DPYS: variants seen among roughly 807,000 people sequenced by gnomAD.
DPYS encodes the protein dihydropyrimidinase, also known as dihydropyrimidine amidohydrolase.
A neutral mutation model predicts 50.3 loss-of-function variants in DPYS; 39 were observed. That is an observed-to-expected ratio of 0.78 (90% CI 0.60 to 1.01). The LOEUF is 1.01. Among genes scored for constraint, DPYS ranks in the 50% least tolerant of loss-of-function variants. The probability of loss-of-function intolerance (pLI) is 0.00; values close to 1 mark genes in which losing one functional copy is unlikely to be tolerated. For missense variants in DPYS, 659 were observed against 680.9 expected (o/e 0.97, Z 0.36); for synonymous variants, 245 against 250.7 (o/e 0.98, Z 0.22).
At chr8:104,387,655 T>A (rs1231900309) in intron 8 of DPYS, among the ~76,000 whole-genome samples, 1 of 152,218 alleles carries the variant, frequency 6.6e-6, no homozygotes, top group Non-Finnish European at 1.5e-5. Flanking sequence ...AGCCTCTATT[T>A]CTTAATATAT....
At chr8:104,387,845 A>G (rs1215262983) in intron 8 of DPYS, among the ~76,000 whole-genome samples, 2 of 152,178 alleles carry the variant, frequency 1.3e-5, no homozygotes, top group Non-Finnish European at 2.9e-5. Flanking sequence ...ATTAACAACT[A>G]TCTCTACCTT....
At chr8:104,453,790 CA>C (rs1436045533) in intron 1 of DPYS, among the ~76,000 whole-genome samples, 2 of 152,154 alleles carry the variant, frequency 1.3e-5, no homozygotes, top group Non-Finnish European at 2.9e-5. Flanking sequence ...AGAAACAATA[CA>C]AATGTCCATC....
chr8:104,396,422 G>T (rs1811587659), intron 7 of DPYS, among the ~76,000 whole-genome samples: 1 of 152,166 alleles, frequency 6.6e-6, no homozygotes, highest in Non-Finnish European at 1.5e-5. Context: ...TCTAACAGAA[G>T]AAATAATCTT....
In DPYS at chr8:104,444,293, T is replaced by C. The variant is rs1381098256; in HGVS notation, c.748A>G (p.Met250Val). ...VNCPLYIVHV[M>V]SKSAAKVIAD... ...ATCACCTTAGCTGCAGACTTGCTCATCACATGCACAATGTAGAGAGGACAG... is the reference window on the plus strand; with the variant it reads ...ATCACCTTAGCTGCAGACTTGCTCACCACATGCACAATGTAGAGAGGACAG... The change falls in exon 4 of 10, where the codon ATG (methionine) becomes GTG (valine). Residue 250 changes from methionine (M) to valine (V), a missense_variant. Physicochemically the swap from Met to Val is conservative, Grantham distance 21 (BLOSUM62 1). Transcript: ENST00000351513. 1 of 1,614,252 alleles carries C rather than the reference T, an allele frequency of 6.2e-7. No homozygotes were observed. Among genetic ancestry groups the C allele is most frequent in the Non-Finnish European group, 8.5e-7 (1 of 1,180,048 alleles).
chr8:104,411,522 G>A (rs1812175256), intron 7 of DPYS, among the ~76,000 whole-genome samples: 1 of 152,128 alleles, frequency 6.6e-6, no homozygotes, highest in South Asian at 2.1e-4. Context: ...GGGCTCACGG[G>A]AAGAAAATAT....
intron 8 of DPYS, among the ~76,000 whole-genome samples, chr8:104,389,443 A>T (rs2140513155): frequency 6.6e-6 from 1 of 152,196 alleles, no homozygotes; most frequent in African/African-American, 2.4e-5. Context: ...ACCTCATTTC[A>T]TTTTATCCAT....
intron 8 of DPYS, among the ~76,000 whole-genome samples, chr8:104,387,942 G>C (rs1291267023): frequency 6.6e-6 from 1 of 152,102 alleles, no homozygotes; most frequent in East Asian, 1.9e-4. Context: ...CTGTTTTCAA[G>C]CTACCAAACT....
At chr8:104,416,996 A>AAC (rs2140595576) in intron 7 of DPYS, among the ~76,000 whole-genome samples, 1 of 152,332 alleles carries the variant, frequency 6.6e-6, no homozygotes, top group South Asian at 2.1e-4. Flanking sequence ...TTCACTGAAT[A>AAC]TAAAGTTAAA....
At chr8:104,420,567 C>T (rs1022048658) in intron 7 of DPYS, 1 of 152,000 alleles carries the variant, frequency 6.6e-6, no homozygotes, top group Non-Finnish European at 1.5e-5. Context: ...CAAAAACATT[C>T]TGATGATGGT....
intron 1 of DPYS, among the ~76,000 whole-genome samples, chr8:104,455,944 A>G (rs1040407385): frequency 6.6e-6 from 1 of 152,234 alleles, no homozygotes; most frequent in South Asian, 2.1e-4. Flanking sequence ...GACACAGGGC[A>G]TATATATGTA....
chr8:104,447,384 C>T lies in DPYS; in HGVS notation c.543G>A (p.Arg181=), dbSNP rs529225130. 3.7e-6 allele frequency: 6 copies of T among 1,614,078 alleles called. No homozygotes were observed. The African/African-American group carries it at 6.7e-5, about 18-fold the overall frequency. ...TDLELYEAFS[R]CKEIGAIAQV... ...GGGCAATTGCTCCAATTTCCTTGCACCGAGAGAAGGCTTCGTACAGCTCCA... is the reference window on the plus strand; with the variant it reads ...GGGCAATTGCTCCAATTTCCTTGCATCGAGAGAAGGCTTCGTACAGCTCCA... Residue 181 remains arginine, a synonymous_variant, in exon 3 of 10, where the codon CGG becomes CGA. Transcript: ENST00000351513.
chr8:104,425,907 A>G (rs1812705750), intron 6 of DPYS, among the ~76,000 whole-genome samples: 1 of 152,210 alleles, frequency 6.6e-6, no homozygotes, highest in Non-Finnish European at 1.5e-5. Flanking sequence ...AGTAAACCAT[A>G]TTAATGTTTC....
chr8:104,381,466 C>G (rs765144632), intron 8 of DPYS, 152 bp from the exon 9 acceptor site: 1 of 692,814 alleles, frequency 1.4e-6, no homozygotes, highest in Non-Finnish European at 2.5e-6. Context: ...CACGGAAATT[C>G]CTGGCAACCT....
chr8:104,429,570 C>A lies in DPYS; in HGVS notation c.925G>T (p.Asp309Tyr), dbSNP rs370701356. The A allele has an allele frequency of 1.6e-5, 26 of 1,613,908 alleles. No homozygotes were observed. The highest frequency in any genetic ancestry group is 5.0e-5 in the Admixed American group (3 of 59,984). Residue 309 changes from aspartate to tyrosine, a missense_variant, in exon 5 of 10, where the codon GAC (aspartate) becomes TAC (tyrosine). Coordinates refer to ENST00000351513, the MANE Select transcript of DPYS (RefSeq NM_001385.3). The part of the protein sequence containing the change: ...PPLRPDPSTP[D>Y]FLMNLLANDD... ...TTAGCCAACAGATTCATGAGGAAGTCGGGTGTTGAGGGGTCTGGTCGCAAA... is the reference window on the plus strand; with the variant it reads ...TTAGCCAACAGATTCATGAGGAAGTAGGGTGTTGAGGGGTCTGGTCGCAAA...
At chr8:104,425,620 G>A (rs888664005) in intron 6 of DPYS, among the ~76,000 whole-genome samples, 2 of 151,958 alleles carry the variant, frequency 1.3e-5, no homozygotes, top group African/African-American at 4.8e-5. Context: ...ACCACACCCA[G>A]ATGCAATCCT....
At chr8:104,380,397 C>T (rs912292274) in intron 9 of DPYS, 9 of 152,332 alleles carry the variant, frequency 5.9e-5, no homozygotes, top group Middle Eastern at 3.4e-3. Context: ...AGATATCACA[C>T]GTTAAAAAAA....
chr8:104,447,613 A>C lies in DPYS; in HGVS notation c.424-110T>G, dbSNP rs1353249624. 1.4e-5 allele frequency: 18 copies of C among 1,284,264 alleles called. No individual in the cohort carries two copies. The East Asian group carries it at 3.7e-4, about 26-fold the overall frequency. 79.6% of individuals were successfully genotyped at this position (1,284,264 alleles called of 1,614,324 possible). A position where few individuals can be genotyped will look rare whatever the true frequency, so the allele number is the denominator to read the frequency against. On this transcript the variant is annotated intron_variant, in intron 2 of 9. Transcript: ENST00000351513. ...AAGAGAACTAAGTAAAATAAGGAAAATAAGGACAATAGTTTAGTTCCACAA... is the reference window on the plus strand; with the variant it reads ...AAGAGAACTAAGTAAAATAAGGAAACTAAGGACAATAGTTTAGTTCCACAA...
At chr8:104,466,628 G>A (rs1364826245) in intron 1 of DPYS, 29 bp downstream of exon 1, 10 of 1,500,372 alleles carry the variant, frequency 6.7e-6, no homozygotes, top group Non-Finnish European at 8.9e-6. Flanking sequence ...CGTGGGTACC[G>A]CGGGGCGGGG....
rs577311570 is a variant in DPYS, at chr8:104,427,282, A to AT, written c.1092+697dup. On this transcript the variant is annotated intron_variant, in intron 6 of 9. Transcript: ENST00000351513. Reference sequence around the variant, plus strand: ...TGAGCATAACGAATACGCTTCGTGTATTTTTTTTTTTTTGTGATGGAGTCT... The same window carrying AT: ...TGAGCATAACGAATACGCTTCGTGTATTTTTTTTTTTTTTGTGATGGAGTCT... Among the ~76,000 whole-genome samples, 549 of 142,000 alleles carry AT rather than the reference A, an allele frequency of 3.9e-3. 7 individuals are homozygous for AT. Among genetic ancestry groups the AT allele is most frequent in the African/African-American group, 9.7e-3 (377 of 38,826 alleles). 93.2% of individuals were successfully genotyped at this position (142,000 alleles called of 152,430 possible).
Sources: gnomAD v4.1 joint callset for allele counts (sites outside exome capture counted in the v4.1 genomes callset) on GRCh38, gnomAD v4.1.1 for gene constraint, MANE v1.5 for transcripts, NCBI Gene and HGNC (gene_info 2026-07-23, HGNC 2026-07-21) for gene names.